The following ZFPM2 variants were observed in gnomAD, a reference collection of about 807,000 sequenced individuals.
ZFPM2 encodes the protein zinc finger protein ZFPM2.
A neutral mutation model predicts 98.6 loss-of-function variants in ZFPM2; 20 were observed. That is an observed-to-expected ratio of 0.20 (90% CI 0.14 to 0.29). ZFPM2 has a LOEUF of 0.29. Among genes scored for constraint, ZFPM2 ranks in the 10% least tolerant of loss-of-function variants. The pLI, the probability that ZFPM2 is intolerant of heterozygous loss-of-function variation, is 1.00. For synonymous variants in ZFPM2, 518 were observed against 502.7 expected (o/e 1.03, Z -0.41); for missense variants, 1,310 against 1,388.6 (o/e 0.94, Z 0.90).
intron 5 of ZFPM2, among the ~76,000 whole-genome samples, chr8:105,693,719 T>G (rs1363491554): frequency 1.3e-5 from 2 of 152,114 alleles, no homozygotes; most frequent in Non-Finnish European, 2.9e-5. Flanking sequence ...CTGACTAAAA[T>G]TTATCTTTTA....
At chr8:105,796,185 T>G (rs1159223085) in intron 6 of ZFPM2, among the ~76,000 whole-genome samples, 1 of 151,688 alleles carries the variant, frequency 6.6e-6, no homozygotes, top group East Asian at 1.9e-4. Flanking sequence ...TTTACTTTGA[T>G]TCTGATAGTG....
chr8:105,761,495 T>C (rs1477950987), intron 5 of ZFPM2, among the ~76,000 whole-genome samples: 2 of 152,042 alleles, frequency 1.3e-5, no homozygotes, highest in Non-Finnish European at 2.9e-5. Flanking sequence ...TTCTGAAAGC[T>C]TTCTTTGTCT....
chr8:105,662,160 G>T (rs1817402080), intron 5 of ZFPM2, among the ~76,000 whole-genome samples: 1 of 152,128 alleles, frequency 6.6e-6, no homozygotes, highest in African/African-American at 2.4e-5. Context: ...CAGGAATGCG[G>T]AGGAACTGAG....
chr8:105,778,598 T>C (rs1218131466), intron 5 of ZFPM2, among the ~76,000 whole-genome samples: 1 of 152,138 alleles, frequency 6.6e-6, no homozygotes, highest in Admixed American at 6.5e-5. Context: ...CATGATTTAC[T>C]TCACAGGCCA....
chr8:105,675,283 C>T (rs1810418098), intron 5 of ZFPM2, among the ~76,000 whole-genome samples: 1 of 152,138 alleles, frequency 6.6e-6, no homozygotes, highest in Non-Finnish European at 1.5e-5. Flanking sequence ...AATTTGGAAA[C>T]TTGTGCACCC....
chr8:105,385,224 A>T (rs1810964318), intron 1 of ZFPM2, among the ~76,000 whole-genome samples: 1 of 152,190 alleles, frequency 6.6e-6, no homozygotes, highest in Non-Finnish European at 1.5e-5. Flanking sequence ...ATGCAAAGTC[A>T]TCTTTGACAT....
At chr8:105,629,261 G>A (rs1338359171) in intron 4 of ZFPM2, among the ~76,000 whole-genome samples, 2 of 152,210 alleles carry the variant, frequency 1.3e-5, no homozygotes, top group Non-Finnish European at 2.9e-5. Context: ...GCAGCAGGCT[G>A]AATAAATGGG....
chr8:105,796,284 T>G lies in ZFPM2; in HGVS notation c.740-2440T>G, dbSNP rs186080131. ...GATTCTAGGAGTATCTGATGTTAAT[T>G]CTAATTATAGTGGAGAGTGTACTCT... On this transcript the variant is annotated intron_variant, in intron 6 of 7. Coordinates refer to ENST00000407775, the MANE Select transcript of ZFPM2 (RefSeq NM_012082.4). Among the ~76,000 whole-genome samples, 40 of 112,406 alleles carry G rather than the reference T, an allele frequency of 3.6e-4. No individual in the cohort carries two copies. The East Asian group carries it at 6.7e-3, about 19-fold the overall frequency. The allele number at this position is 112,406 out of a possible 152,430, so 73.7% of individuals were successfully genotyped here. A position where few individuals can be genotyped will look rare whatever the true frequency, so the allele number is the denominator to read the frequency against.
intron 5 of ZFPM2, among the ~76,000 whole-genome samples, chr8:105,716,479 G>A (rs1811527111): frequency 1.3e-5 from 2 of 151,968 alleles, no homozygotes; most frequent in South Asian, 2.1e-4. Flanking sequence ...TTATATACGT[G>A]TGTGTATATA....
At chr8:105,731,185 C>A (rs1440000816) in intron 5 of ZFPM2, among the ~76,000 whole-genome samples, 1 of 151,680 alleles carries the variant, frequency 6.6e-6, no homozygotes, top group Non-Finnish European at 1.5e-5. Flanking sequence ...TAAAAACCAC[C>A]AAGTTATGAA....
chr8:105,330,619 T>TATAC (rs71305143), intron 1 of ZFPM2, among the ~76,000 whole-genome samples: 3 of 88,480 alleles, frequency 3.4e-5, no homozygotes, highest in Non-Finnish European at 2.3e-5. Context: ...TACACATATA[T>TATAC]ATATATATAT....
intron 4 of ZFPM2, among the ~76,000 whole-genome samples, chr8:105,634,016 G>GAAA (rs34543965): frequency 2.0e-5 from 3 of 147,006 alleles, no homozygotes; most frequent in African/African-American, 7.6e-5. Context: ...TATCATTTAG[G>GAAA]AAAAAAAAAA....
In ZFPM2 at chr8:105,548,583, C is replaced by T. The variant is rs550264495; in HGVS notation, c.302-12780C>T. On this transcript the variant is annotated intron_variant, in intron 3 of 7. Transcript: ENST00000407775. ...CCTCTGCCTTACAATTTTATTGTAA[C>T]ATAACAAATGTGTTAAAATGCTTGA... Among the ~76,000 whole-genome samples, 8 of 152,212 alleles carry T rather than the reference C, an allele frequency of 5.3e-5. No individual in the cohort carries two copies. In the South Asian group the frequency reaches 1.7e-3, roughly 32 times the overall value.
chr8:105,554,219 G>A (rs2130673212), intron 3 of ZFPM2, among the ~76,000 whole-genome samples: 1 of 152,246 alleles, frequency 6.6e-6, no homozygotes, highest in African/African-American at 2.4e-5. Context: ...TATAAATGGT[G>A]CTATTTGTCT....
At chr8:105,365,845 C>T (rs946813501) in intron 1 of ZFPM2, among the ~76,000 whole-genome samples, 2 of 152,224 alleles carry the variant, frequency 1.3e-5, no homozygotes, top group South Asian at 2.1e-4. Flanking sequence ...AATTTGCAAA[C>T]GTAGGCACTT....
At chr8:105,654,916 C>G (rs1334626081) in intron 5 of ZFPM2, among the ~76,000 whole-genome samples, 3 of 152,126 alleles carry the variant, frequency 2.0e-5, no homozygotes, top group African/African-American at 7.2e-5. Context: ...TCTGATACAG[C>G]CTTTTCTATG....
At chr8:105,555,240 G>A (rs1814959178) in intron 3 of ZFPM2, among the ~76,000 whole-genome samples, 1 of 152,046 alleles carries the variant, frequency 6.6e-6, no homozygotes, top group Admixed American at 6.6e-5. Flanking sequence ...AATATTTTCT[G>A]TGAACTTACC....
rs763840458 is a variant in ZFPM2 at position 105,803,022 on chromosome 8, G to C, written c.2940G>C (p.Gln980His). Residue 980 changes from glutamine (Q) to histidine (H), a missense_variant, in exon 8 of 8, where the codon CAG becomes CAC. Gln to His is a conservative substitution (Grantham distance 24). Transcript: ENST00000407775. ...TAAAGAAAGCAAAAGGAGCCGACCA[G>C]CTTTCTCCATATTATGGAATCAAGC... is the stretch of plus-strand genomic sequence containing the variant. Reference protein sequence around the residue: ...GAIKKAKGADQLSPYYGIKPS... With the variant: ...GAIKKAKGADHLSPYYGIKPS... 2.5e-6 allele frequency: 4 copies of C among 1,613,064 alleles called. No individual in the cohort carries two copies. The African/African-American group carries it at 5.3e-5, about 22-fold the overall frequency.
chr8:105,566,984 A>T (rs1177513106), intron 4 of ZFPM2, among the ~76,000 whole-genome samples: 1 of 152,154 alleles, frequency 6.6e-6, no homozygotes, highest in East Asian at 1.9e-4. Context: ...GAAATAATGC[A>T]TGTATCAAAT....
Sources: allele counts gnomAD v4.1 joint callset (sites outside exome capture counted in the v4.1 genomes callset), GRCh38; gene constraint gnomAD v4.1.1; transcripts MANE v1.5; gene names NCBI Gene and HGNC (gene_info 2026-07-23, HGNC 2026-07-21).